The following CDH13 variants were observed in gnomAD, a reference collection of about 807,000 sequenced individuals.
The protein encoded by CDH13 is cadherin 13.
A neutral mutation model predicts 63.8 loss-of-function variants in CDH13; 24 were observed. The ratio of observed to expected loss-of-function variants is 0.38; its 90% CI spans 0.27 to 0.53. The LOEUF is 0.53. Ranked by LOEUF, CDH13 falls within the 20% of genes least tolerant of loss-of-function variation. CDH13 has a pLI of 0.85. For missense variants in CDH13, 1,049 were observed against 903.1 expected, an observed-to-expected ratio of 1.16 and a Z score of -2.07; for synonymous variants, 503 against 355.3, an observed-to-expected ratio of 1.42 and a Z score of -4.67.
intron 10 of CDH13, among the ~76,000 whole-genome samples, chr16:83,694,271 A>T (rs1449188078): frequency 6.6e-6 from 1 of 151,952 alleles, no homozygotes; most frequent in Non-Finnish European, 1.5e-5. Context: ...CCCCCACATC[A>T]CTCATGCAAG....
chr16:83,439,670 A>G (rs879331482), intron 6 of CDH13, among the ~76,000 whole-genome samples: 12 of 152,160 alleles, frequency 7.9e-5, no homozygotes, highest in African/African-American at 1.4e-4. Context: ...ATGCATAATT[A>G]CGGAATGGCC....
At chr16:82,830,329 T>C (rs913304780) in intron 1 of CDH13, among the ~76,000 whole-genome samples, 2 of 152,246 alleles carry the variant, frequency 1.3e-5, no homozygotes, top group African/African-American at 4.8e-5. Context: ...GGCTCTGTTA[T>C]GACATACCTG....
intron 6 of CDH13, among the ~76,000 whole-genome samples, chr16:83,389,036 AG>A (rs1303785481): frequency 6.6e-6 from 1 of 152,202 alleles, no homozygotes; most frequent in African/African-American, 2.4e-5. Flanking sequence ...CCGACAGGGA[AG>A]GGCTCTGAGA....
chr16:82,916,661 A>G (rs1453387378), intron 2 of CDH13, among the ~76,000 whole-genome samples: 3 of 152,206 alleles, frequency 2.0e-5, no homozygotes, highest in African/African-American at 7.2e-5. Flanking sequence ...GCCCAGTAGC[A>G]TATTCGGGAG....
intron 6 of CDH13, among the ~76,000 whole-genome samples, chr16:83,375,521 C>G (rs929137578): frequency 1.3e-5 from 2 of 152,144 alleles, no homozygotes; most frequent in African/African-American, 4.8e-5. Flanking sequence ...ATAAGTAAGA[C>G]AAAATCAGAT....
In CDH13 at chr16:83,678,405, C is replaced by T. The variant is rs541783172; in HGVS notation, c.1482C>T (p.Ser494=). The T allele has an allele frequency of 3.8e-5, 62 of 1,613,978 alleles. No homozygotes were observed. In the South Asian group the frequency reaches 4.5e-4, roughly 12 times the overall value. The change falls in exon 10 of 14, where the codon AGC becomes AGT. Residue 494 remains serine, a synonymous_variant. Coordinates refer to ENST00000567109, the MANE Select transcript of CDH13 (RefSeq NM_001257.5). ...VTRQEDLSVG[S]VLLTVNATDP... ...GGCAGGAGGACCTCTCTGTGGGCAG[C>T]GTGCTGCTGACAGTGAATGCCACGG...
At chr16:82,833,219 A>C (rs2038621622) in intron 1 of CDH13, among the ~76,000 whole-genome samples, 1 of 152,212 alleles carries the variant, frequency 6.6e-6, no homozygotes, top group Non-Finnish European at 1.5e-5. Context: ...AAATGTGTTC[A>C]TACCATGAAT....
intron 8 of CDH13, among the ~76,000 whole-genome samples, chr16:83,610,530 C>A (rs1302311970): frequency 6.6e-6 from 1 of 152,166 alleles, no homozygotes; most frequent in East Asian, 1.9e-4. Flanking sequence ...TAAAACAGCT[C>A]CTCTCCTGAC....
intron 10 of CDH13, among the ~76,000 whole-genome samples, chr16:83,714,561 G>T (rs1254244657): frequency 6.6e-6 from 1 of 152,140 alleles, no homozygotes; most frequent in East Asian, 1.9e-4. Context: ...TGTAACTAAA[G>T]CTAAAGACTT....
intron 6 of CDH13, among the ~76,000 whole-genome samples, chr16:83,381,207 A>G (rs2091560536): frequency 6.6e-6 from 1 of 152,014 alleles, no homozygotes; most frequent in South Asian, 2.1e-4. Context: ...ACCTTTTTCT[A>G]ATTTCTAAAG....
At chr16:82,663,038 A>T (rs1912149038) in intron 1 of CDH13, among the ~76,000 whole-genome samples, 1 of 152,220 alleles carries the variant, frequency 6.6e-6, no homozygotes, top group South Asian at 2.1e-4. Flanking sequence ...GTAGCAGGCC[A>T]GAAAGATTCC....
intron 7 of CDH13, among the ~76,000 whole-genome samples, chr16:83,578,665 T>C (rs1905259874): frequency 6.6e-6 from 1 of 152,248 alleles, no homozygotes; most frequent in Admixed American, 6.5e-5. Flanking sequence ...GTGCCCTTGC[T>C]GTCAAGGATA....
intron 5 of CDH13, among the ~76,000 whole-genome samples, chr16:83,259,713 G>T (rs1251436507): frequency 6.6e-6 from 1 of 152,058 alleles, no homozygotes; most frequent in Non-Finnish European, 1.5e-5. Context: ...AGTTACATAG[G>T]TATACGTGAT....
intron 2 of CDH13, among the ~76,000 whole-genome samples, chr16:82,993,322 C>T (rs922163812): frequency 1.3e-5 from 2 of 151,918 alleles, no homozygotes; most frequent in Admixed American, 1.3e-4. Flanking sequence ...TTTCAGAGAA[C>T]GTTCTACATC....
intron 8 of CDH13, among the ~76,000 whole-genome samples, chr16:83,631,333 A>T (rs981451983): frequency 7.0e-6 from 1 of 142,910 alleles, no homozygotes; most frequent in Non-Finnish European, 1.5e-5. Flanking sequence ...TTGGGGCTTT[A>T]ATCAGATTTT....
intron 5 of CDH13, among the ~76,000 whole-genome samples, chr16:83,291,651 A>G (rs1465330763): frequency 6.6e-6 from 1 of 152,174 alleles, no homozygotes; most frequent in Admixed American, 6.5e-5. Context: ...TAACTGTTTG[A>G]TGTAACTAAA....
chr16:83,111,002 C>CAAAAAAAAAAAAAAA (rs398030036), intron 3 of CDH13, among the ~76,000 whole-genome samples: 5 of 106,274 alleles, frequency 4.7e-5, no homozygotes, highest in South Asian at 3.7e-4. Context: ...TAGGTTGTTG[C>CAAAAAAAAAAAAAAA]AAAAAAAAAA....
intron 6 of CDH13, among the ~76,000 whole-genome samples, chr16:83,347,704 C>T (rs868415199): frequency 6.6e-6 from 1 of 152,212 alleles, no homozygotes; most frequent in Middle Eastern, 3.2e-3. Context: ...GGGGAAAAGG[C>T]ACAATCAGTG....
intron 1 of CDH13, among the ~76,000 whole-genome samples, chr16:82,753,420 C>T (rs768155885): frequency 1.3e-5 from 2 of 152,158 alleles, no homozygotes; most frequent in Admixed American, 6.5e-5. Context: ...CCTGTCTTTG[C>T]ACACCATTTA....
Sources: allele counts gnomAD v4.1 joint callset (sites outside exome capture counted in the v4.1 genomes callset), GRCh38; gene constraint gnomAD v4.1.1; transcripts MANE v1.5; gene names NCBI Gene and HGNC (gene_info 2026-07-23, HGNC 2026-07-21).